The following PCSK2 variants were observed in gnomAD, a reference collection of about 807,000 sequenced individuals.
PCSK2 encodes proprotein convertase subtilisin/kexin type 2.
A neutral mutation model predicts 69.7 loss-of-function variants in PCSK2; 14 were observed. That is an observed-to-expected ratio of 0.20 (90% CI 0.13 to 0.31). The LOEUF (loss-of-function observed/expected upper bound fraction) is 0.31, where lower values mean the gene tolerates loss of function less well. Ranked by LOEUF, PCSK2 falls within the 10% of genes least tolerant of loss-of-function variation. The pLI, the probability that PCSK2 is intolerant of heterozygous loss-of-function variation, is 1.00. For missense variants in PCSK2, 544 were observed against 842.5 expected (o/e 0.65, Z 4.39); for synonymous variants, 307 against 320.7 (o/e 0.96, Z 0.46).
At chr20:17,236,515 C>T (rs1338024511) in intron 1 of PCSK2, among the ~76,000 whole-genome samples, 1 of 152,116 alleles carries the variant, frequency 6.6e-6, no homozygotes, top group African/African-American at 2.4e-5. Context: ...AGCTTCCCTA[C>T]TTCCACATTC....
At chr20:17,347,009 T>C (rs1019465142) in intron 2 of PCSK2, among the ~76,000 whole-genome samples, 1 of 152,188 alleles carries the variant, frequency 6.6e-6, no homozygotes, top group Non-Finnish European at 1.5e-5. Context: ...TAGCAATTTG[T>C]TAATACTTGT....
At chr20:17,427,170 T>G (rs1036118258) in intron 6 of PCSK2, among the ~76,000 whole-genome samples, 1 of 152,182 alleles carries the variant, frequency 6.6e-6, no homozygotes, top group Non-Finnish European at 1.5e-5. Flanking sequence ...GGATAATACA[T>G]GTAACTCTCT....
chr20:17,366,019 C>G lies in PCSK2; in HGVS notation c.506-3221C>G, dbSNP rs372995000. Among the ~76,000 whole-genome samples, 10 of 152,178 alleles carry G rather than the reference C, an allele frequency of 6.6e-5. No homozygotes were observed. The East Asian group carries it at 1.2e-3, about 18-fold the overall frequency. ...TGGGGTCTCAGGGCAGTCCCACCCCCACAGCTCCACTGGGCTTTGTCTTAG... is the reference window on the plus strand; with the variant it reads ...TGGGGTCTCAGGGCAGTCCCACCCCGACAGCTCCACTGGGCTTTGTCTTAG... On this transcript the variant is annotated intron_variant, in intron 4 of 11. Transcript: ENST00000262545.
At chr20:17,387,633 C>T (rs764556884) in intron 5 of PCSK2, among the ~76,000 whole-genome samples, 10 of 152,172 alleles carry the variant, frequency 6.6e-5, no homozygotes, top group East Asian at 3.9e-4. Flanking sequence ...ATATCTTTTA[C>T]GATCTAGCCT....
intron 2 of PCSK2, among the ~76,000 whole-genome samples, chr20:17,265,606 A>G (rs1204910718): frequency 6.6e-6 from 1 of 152,194 alleles, no homozygotes; most frequent in Non-Finnish European, 1.5e-5. Flanking sequence ...TCTACAGGGC[A>G]TTTGTGGCTG....
intron 4 of PCSK2, among the ~76,000 whole-genome samples, chr20:17,364,510 C>A (rs985242397): frequency 1.2e-4 from 19 of 152,076 alleles, no homozygotes; most frequent in Admixed American, 3.3e-4. Flanking sequence ...TGGCAGCAGG[C>A]AAGAGAGAGA....
intron 2 of PCSK2, among the ~76,000 whole-genome samples, chr20:17,354,910 A>T (rs867669149): frequency 6.6e-6 from 1 of 151,804 alleles, no homozygotes; most frequent in Non-Finnish European, 1.5e-5. Context: ...GAAAAAAAAA[A>T]GTTTTCCAGT....
At chr20:17,307,831 A>T (rs1003516448) in intron 2 of PCSK2, among the ~76,000 whole-genome samples, 8 of 152,166 alleles carry the variant, frequency 5.3e-5, no homozygotes, top group African/African-American at 1.9e-4. Flanking sequence ...ACTTTGCTAT[A>T]AAAAAACACC....
At chr20:17,255,870 T>G (rs1466942356) in intron 1 of PCSK2, among the ~76,000 whole-genome samples, 16 of 152,214 alleles carry the variant, frequency 1.1e-4, no homozygotes. Flanking sequence ...GCTACTATTT[T>G]GATGAGCATT....
At chr20:17,320,413 G>C (rs1803751195) in intron 2 of PCSK2, among the ~76,000 whole-genome samples, 1 of 152,226 alleles carries the variant, frequency 6.6e-6, no homozygotes, top group African/African-American at 2.4e-5. Flanking sequence ...GAGAAGAGCT[G>C]AATTCTCATG....
At chr20:17,284,082 C>A (rs1431094549) in intron 2 of PCSK2, among the ~76,000 whole-genome samples, 3 of 152,216 alleles carry the variant, frequency 2.0e-5, no homozygotes, top group African/African-American at 7.2e-5. Context: ...ACTCCACCCC[C>A]ACCATTGCCA....
intron 11 of PCSK2, among the ~76,000 whole-genome samples, chr20:17,475,566 A>G (rs1005676703): frequency 3.9e-5 from 6 of 152,278 alleles, no homozygotes; most frequent in Admixed American, 1.3e-4. Flanking sequence ...TGGCTGTCTC[A>G]TCTCTGATTC....
At chr20:17,278,100 G>A (rs2123039090) in intron 2 of PCSK2, among the ~76,000 whole-genome samples, 1 of 152,272 alleles carries the variant, frequency 6.6e-6, no homozygotes, top group South Asian at 2.1e-4. Flanking sequence ...GGAGAAATAG[G>A]AACACTTTTA....
At chr20:17,387,473 C>T (rs1292099374) in intron 5 of PCSK2, among the ~76,000 whole-genome samples, 1 of 152,140 alleles carries the variant, frequency 6.6e-6, no homozygotes, top group African/African-American at 2.4e-5. Flanking sequence ...GGATCGACTT[C>T]CAAGATGGTT....
intron 10 of PCSK2, chr20:17,463,651 C>T (rs2033049788): frequency 1.3e-5 from 2 of 150,080 alleles, no homozygotes; most frequent in Non-Finnish European, 3.0e-5. Flanking sequence ...AATGCTATCC[C>T]TCCCCATCCC....
chr20:17,228,550 G>T (rs1986019211), intron 1 of PCSK2, among the ~76,000 whole-genome samples: 1 of 152,162 alleles, frequency 6.6e-6, no homozygotes, highest in Non-Finnish European at 1.5e-5. Context: ...AGAGGGCTGG[G>T]TGGAGGTCCC....
chr20:17,295,213 A>AAC (rs58508384), intron 2 of PCSK2, among the ~76,000 whole-genome samples: 6,893 of 146,192 alleles, frequency 0.047, 204 homozygotes, highest in East Asian at 0.12. Flanking sequence ...ATACGCAGTT[A>AAC]ACACACACAC....
chr20:17,341,148 C>T lies in PCSK2; in HGVS notation c.283-17179C>T, dbSNP rs142446362. On this transcript the variant is annotated intron_variant, in intron 2 of 11. Transcript: ENST00000262545. ...CCAGCAACTTGGGAGGCTGAAGCAG[C>T]AGAATCACTTGAACCCAGGAGACAG... 4.2e-3 allele frequency among the ~76,000 whole-genome samples: 634 copies of T among 152,238 alleles called. 1 individual carries two copies. The highest frequency in any genetic ancestry group is 0.018 in the East Asian group (93 of 5,172).
chr20:17,252,129 T>C (rs1213233955), intron 1 of PCSK2, among the ~76,000 whole-genome samples: 1 of 152,118 alleles, frequency 6.6e-6, no homozygotes, highest in Non-Finnish European at 1.5e-5. Flanking sequence ...ATGGCATCAC[T>C]TCCACCATAC....
Sources: gnomAD v4.1 joint callset for allele counts (sites outside exome capture counted in the v4.1 genomes callset) on GRCh38, gnomAD v4.1.1 for gene constraint, MANE v1.5 for transcripts, NCBI Gene and HGNC (gene_info 2026-07-23, HGNC 2026-07-21) for gene names.